Variants in MCPH1 observed in about 807,000 individuals in gnomAD.
MCPH1 encodes microcephalin 1, also known as microcephalin.
In MCPH1, 104 loss-of-function variants were observed where a neutral mutation model predicts 84.5. That is an observed-to-expected ratio of 1.23 (90% confidence interval 1.05 to 1.45). The LOEUF is 1.45. Among genes scored for constraint, MCPH1 ranks in the 40% most tolerant of loss-of-function variants. The probability of loss-of-function intolerance (pLI) is 0.00; values close to 1 mark genes in which losing one functional copy is unlikely to be tolerated. For synonymous variants in MCPH1, 514 were observed against 366.8 expected, an observed-to-expected ratio of 1.40 and a Z score of -4.58; for missense variants, 1,498 against 1,005.7, an observed-to-expected ratio of 1.49 and a Z score of -6.62.
chr8:6,576,453 T>C (rs1425154476), intron 12 of MCPH1, among the ~76,000 whole-genome samples: 2 of 152,136 alleles, frequency 1.3e-5, no homozygotes, highest in Non-Finnish European at 2.9e-5. Flanking sequence ...CAGGCCTTAT[T>C]GGAATCCTTC....
rs1444612259 is a variant in MCPH1, at chr8:6,639,296, C to A, written c.2453-3698C>A. On this transcript the variant is annotated intron_variant, in intron 13 of 13. Transcript: ENST00000344683. Reference sequence around the variant, plus strand: ...AAGTACACAGGGTCCTCCAGTCTTACAACCCTTCCTTAACTACAATAAAGA... The same window carrying A: ...AAGTACACAGGGTCCTCCAGTCTTAAAACCCTTCCTTAACTACAATAAAGA... Among the ~76,000 whole-genome samples, 3 of 152,306 alleles carry A rather than the reference C, an allele frequency of 2.0e-5. No individual in the cohort carries two copies. In the East Asian group the frequency reaches 5.8e-4, roughly 29 times the overall value.
At position 6,599,198 on chromosome 8, in the gene MCPH1, A is replaced by G. The variant is rs184848252; in HGVS notation, c.2215-22256A>G. On this transcript the variant is annotated intron_variant, in intron 12 of 13. Transcript: ENST00000344683. Reference sequence around the variant, plus strand: ...AAAGAAGCCTTGATGTTGTTACGTGATTACCTAAAAGGAATGCCTTCCTCC... The same window carrying G: ...AAAGAAGCCTTGATGTTGTTACGTGGTTACCTAAAAGGAATGCCTTCCTCC... Among the ~76,000 whole-genome samples the G allele has an allele frequency of 3.5e-4, 54 of 152,282 alleles. No individual in the cohort carries two copies. In the Middle Eastern group the frequency reaches 0.02, roughly 58 times the overall value.
intron 13 of MCPH1, among the ~76,000 whole-genome samples, chr8:6,631,666 A>AG (rs1403463531): frequency 2.6e-5 from 4 of 152,074 alleles, no homozygotes; most frequent in Non-Finnish European, 4.4e-5. Context: ...AAAAAAAAAA[A>AG]AACCCAGAAA....
intron 2 of MCPH1, among the ~76,000 whole-genome samples, chr8:6,411,861 C>T (rs926538446): frequency 2.6e-5 from 4 of 152,040 alleles, no homozygotes; most frequent in African/African-American, 4.8e-5. Flanking sequence ...ACTTAACCCC[C>T]GTGGATAAGG....
At chr8:6,455,872 T>G (rs1271274983) in intron 9 of MCPH1, among the ~76,000 whole-genome samples, 1 of 152,156 alleles carries the variant, frequency 6.6e-6, no homozygotes, top group Non-Finnish European at 1.5e-5. Flanking sequence ...AAAAGTATAA[T>G]GTAGTGAAAC....
At chr8:6,557,426 C>T (rs1246892092) in intron 12 of MCPH1, among the ~76,000 whole-genome samples, 2 of 152,090 alleles carry the variant, frequency 1.3e-5, no homozygotes, top group East Asian at 1.9e-4. Context: ...TTGCTGCCTT[C>T]GTGATGACTG....
At chr8:6,523,816 T>C (rs952599100) in intron 12 of MCPH1, among the ~76,000 whole-genome samples, 14 of 152,064 alleles carry the variant, frequency 9.2e-5, no homozygotes, top group Non-Finnish European at 2.9e-5. Flanking sequence ...CTCGAACTCC[T>C]GACTTCCTGA....
intron 12 of MCPH1, among the ~76,000 whole-genome samples, chr8:6,540,100 G>C (rs1821268953): frequency 6.6e-6 from 1 of 152,204 alleles, no homozygotes; most frequent in Non-Finnish European, 1.5e-5. Context: ...ACAGTAATTT[G>C]AGTGTACCAG....
At chr8:6,508,962 T>TAA in intron 12 of MCPH1, 1 of 1,614,160 alleles carries the variant, frequency 6.2e-7, no homozygotes. Flanking sequence ...CATTTGCAAA[T>TAA]ACATTTGTCG....
chr8:6,557,912 G>A (rs573459092), intron 12 of MCPH1, among the ~76,000 whole-genome samples: 37 of 152,184 alleles, frequency 2.4e-4, no homozygotes, highest in African/African-American at 7.0e-4. Context: ...GGCCAGATAT[G>A]GAAAGATATA....
rs1801821248 is a variant in MCPH1 at position 6,431,451 on chromosome 8, T to G, written c.234-48T>G. On this transcript the variant is annotated intron_variant, in intron 3 of 13. Coordinates refer to ENST00000344683, the MANE Select transcript of MCPH1 (RefSeq NM_024596.5). Reference sequence around the variant, plus strand: ...GTGCAGATTTAGTGCTGTGTCAATGTATAATAGAAGCAAATACTCATTAGA... The same window carrying G: ...GTGCAGATTTAGTGCTGTGTCAATGGATAATAGAAGCAAATACTCATTAGA... 3 of 1,393,290 alleles carry G rather than the reference T, an allele frequency of 2.2e-6. No individual in the cohort carries two copies. In the African/African-American group the frequency reaches 4.3e-5, roughly 20 times the overall value. The allele number at this position is 1,393,290 out of a possible 1,614,324, so 86.3% of individuals were successfully genotyped here.
At chr8:6,553,236 G>T (rs139374818) in intron 12 of MCPH1, among the ~76,000 whole-genome samples, 2 of 152,132 alleles carry the variant, frequency 1.3e-5, no homozygotes, top group African/African-American at 2.4e-5. Flanking sequence ...CTTTACTCTC[G>T]ATGTGGCTGT....
chr8:6,557,688 TACACAC>T (rs112788253), intron 12 of MCPH1, among the ~76,000 whole-genome samples: 10 of 148,788 alleles, frequency 6.7e-5, no homozygotes, highest in South Asian at 2.1e-4. Flanking sequence ...TATGTGTGTG[TACACAC>T]ACACACACAC....
At chr8:6,463,700 C>A (rs1806535487) in intron 9 of MCPH1, among the ~76,000 whole-genome samples, 1 of 152,136 alleles carries the variant, frequency 6.6e-6, no homozygotes, top group Non-Finnish European at 1.5e-5. Flanking sequence ...CCTTCCTGAG[C>A]AGAGAAAATA....
chr8:6,485,218 A>C (rs535633264), intron 11 of MCPH1, among the ~76,000 whole-genome samples: 1 of 151,942 alleles, frequency 6.6e-6, no homozygotes, highest in African/African-American at 2.4e-5. Flanking sequence ...CCAGCTACTC[A>C]GGAGGCTGAG....
At chr8:6,459,760 G>C (rs958737446) in intron 9 of MCPH1, among the ~76,000 whole-genome samples, 1 of 152,202 alleles carries the variant, frequency 6.6e-6, no homozygotes, top group Non-Finnish European at 1.5e-5. Context: ...AGTAGCACTT[G>C]CAGGTAATGT....
At chr8:6,541,968 A>C (rs1055666274) in intron 12 of MCPH1, among the ~76,000 whole-genome samples, 4 of 151,276 alleles carry the variant, frequency 2.6e-5, no homozygotes, top group African/African-American at 9.7e-5. Flanking sequence ...TGATCGTGCC[A>C]CTGCACTCCA....
At chr8:6,415,488 G>C (rs1160374486) in intron 3 of MCPH1, among the ~76,000 whole-genome samples, 1 of 151,838 alleles carries the variant, frequency 6.6e-6, no homozygotes, top group Non-Finnish European at 1.5e-5. Context: ...CGAGTAGCTG[G>C]GATTACAGGC....
intron 13 of MCPH1, among the ~76,000 whole-genome samples, chr8:6,622,814 G>A (rs2129580948): frequency 6.6e-6 from 1 of 152,102 alleles, no homozygotes; most frequent in South Asian, 2.1e-4. Flanking sequence ...ATTGGATTAG[G>A]GCTCACCCAA....
Sources: gnomAD v4.1 joint callset for allele counts (sites outside exome capture counted in the v4.1 genomes callset) on GRCh38, gnomAD v4.1.1 for gene constraint, MANE v1.5 for transcripts, NCBI Gene and HGNC (gene_info 2026-07-23, HGNC 2026-07-21) for gene names.